The following FER variants were observed in gnomAD, a reference collection of about 807,000 sequenced individuals.
FER encodes the protein FER tyrosine kinase.
FER carries 63 observed loss-of-function variants against 111.0 expected under a neutral mutation model. That is an observed-to-expected ratio of 0.57 (90% CI 0.46 to 0.70). The LOEUF (loss-of-function observed/expected upper bound fraction) is 0.70. Ranked by LOEUF, FER falls within the 30% of genes least tolerant of loss-of-function variation. The pLI, the probability that FER is intolerant of heterozygous loss-of-function variation, is 0.00. For missense variants in FER, 914 were observed against 954.0 expected (o/e 0.96, Z 0.55); for synonymous variants, 327 against 313.9 (o/e 1.04, Z -0.44).
intron 9 of FER, among the ~76,000 whole-genome samples, chr5:108,888,174 A>C (rs1460185048): frequency 1.3e-5 from 2 of 151,804 alleles, no homozygotes; most frequent in Non-Finnish European, 2.9e-5. Flanking sequence ...CTAGTTTTGA[A>C]ATTCAGGAAC....
intron 16 of FER, among the ~76,000 whole-genome samples, chr5:109,081,523 C>G (rs1003942767): frequency 6.6e-6 from 1 of 151,834 alleles, no homozygotes; most frequent in Admixed American, 6.6e-5. Flanking sequence ...TAGAAAATCT[C>G]CAAATAAGGC....
intron 2 of FER, among the ~76,000 whole-genome samples, chr5:108,782,471 G>A (rs1754197370): frequency 1.3e-5 from 2 of 151,964 alleles, no homozygotes; most frequent in South Asian, 4.1e-4. Flanking sequence ...TACTTTTGAT[G>A]AGGTCCATTT....
chr5:108,991,851 T>C (rs1045285816), intron 13 of FER, among the ~76,000 whole-genome samples: 2 of 140,960 alleles, frequency 1.4e-5, no homozygotes, highest in African/African-American at 2.8e-5. Flanking sequence ...TATTTCCTTT[T>C]CTTTGTATTT....
chr5:109,053,735 G>A (rs1213442313), intron 16 of FER, among the ~76,000 whole-genome samples: 1 of 136,808 alleles, frequency 7.3e-6, no homozygotes, highest in African/African-American at 2.8e-5. Flanking sequence ...CTCTCGCCCA[G>A]GCTGGAGTGC....
At chr5:108,948,707 C>A (rs2149634259) in intron 11 of FER, among the ~76,000 whole-genome samples, 1 of 152,062 alleles carries the variant, frequency 6.6e-6, no homozygotes, top group South Asian at 2.1e-4. Flanking sequence ...GAATATTGCC[C>A]TTTTTCTAGG....
intron 10 of FER, among the ~76,000 whole-genome samples, chr5:108,935,547 G>C (rs1484764101): frequency 6.6e-6 from 1 of 151,994 alleles, no homozygotes; most frequent in African/African-American, 2.4e-5. Flanking sequence ...AGTGGGGTGC[G>C]GGGAGGTGGT....
chr5:109,049,622 A>T (rs1772469779), intron 16 of FER, among the ~76,000 whole-genome samples: 1 of 152,196 alleles, frequency 6.6e-6, no homozygotes, highest in African/African-American at 2.4e-5. Context: ...ACTCTCCAGA[A>T]CACATGATCT....
In FER at chr5:108,772,379, C is replaced by G. The variant is rs1409762300; in HGVS notation, c.-60+4141C>G. Among the ~76,000 whole-genome samples, 7 of 104,690 alleles carry G rather than the reference C, an allele frequency of 6.7e-5. No individual in the cohort carries two copies. In the East Asian group the frequency reaches 1.6e-3, roughly 23 times the overall value. 68.7% of individuals were successfully genotyped at this position (104,690 alleles called of 152,430 possible). On this transcript the variant is annotated intron_variant, in intron 2 of 19. Coordinates refer to ENST00000281092, the MANE Select transcript of FER (RefSeq NM_005246.4). ...TGTTGTTGTTGTTATAGGATTCAAG[C>G]AGGTTTCATGTATTGCATTTGCTTC...
At chr5:108,914,542 A>G (rs1752005481) in intron 10 of FER, among the ~76,000 whole-genome samples, 1 of 152,214 alleles carries the variant, frequency 6.6e-6, no homozygotes, top group Non-Finnish European at 1.5e-5. Context: ...TTTGTCTTAA[A>G]GATCCTTATT....
chr5:108,981,637 A>G (rs970507402), intron 13 of FER, among the ~76,000 whole-genome samples: 7 of 152,122 alleles, frequency 4.6e-5, no homozygotes, highest in African/African-American at 1.7e-4. Flanking sequence ...TTTATATGTA[A>G]TATAAATCAG....
intron 16 of FER, among the ~76,000 whole-genome samples, chr5:109,076,033 A>G (rs1307115526): frequency 6.6e-6 from 1 of 152,094 alleles, no homozygotes; most frequent in African/African-American, 2.4e-5. Context: ...CTCTTTTAAC[A>G]TTATCTCTTA....
intron 17 of FER, among the ~76,000 whole-genome samples, chr5:109,126,260 A>C (rs1751703858): frequency 6.6e-6 from 1 of 152,134 alleles, no homozygotes; most frequent in African/African-American, 2.4e-5. Context: ...CCCCATTTTA[A>C]GTGCACACGG....
At chr5:109,173,893 T>A (rs1757416576) in intron 17 of FER, among the ~76,000 whole-genome samples, 1 of 152,010 alleles carries the variant, frequency 6.6e-6, no homozygotes, top group Non-Finnish European at 1.5e-5. Context: ...ACAATAAATA[T>A]CTGTAGGGCA....
intron 9 of FER, among the ~76,000 whole-genome samples, chr5:108,883,930 A>T (rs1765924515): frequency 1.3e-5 from 2 of 152,046 alleles, no homozygotes; most frequent in Admixed American, 1.3e-4. Context: ...CAGACTGATG[A>T]GAAAACAGAT....
chr5:108,805,334 G>T (rs951110635), intron 3 of FER, among the ~76,000 whole-genome samples: 6 of 152,178 alleles, frequency 3.9e-5, no homozygotes, highest in African/African-American at 1.4e-4. Flanking sequence ...TGTAAGTTCA[G>T]TTAAATCTCT....
chr5:108,918,926 A>T (rs973820980), intron 10 of FER, among the ~76,000 whole-genome samples: 1 of 152,222 alleles, frequency 6.6e-6, no homozygotes, highest in Non-Finnish European at 1.5e-5. Context: ...GATATTCTAT[A>T]CTTGTTTGAG....
intron 16 of FER, among the ~76,000 whole-genome samples, chr5:109,049,801 A>G (rs936248840): frequency 1.1e-4 from 16 of 152,216 alleles, no homozygotes; most frequent in Non-Finnish European, 2.2e-4. Context: ...GATGAGTTTT[A>G]AAAAAGGCAT....
chr5:108,984,685 T>C (rs1283208627), intron 13 of FER, among the ~76,000 whole-genome samples: 2 of 152,022 alleles, frequency 1.3e-5, no homozygotes, highest in East Asian at 1.9e-4. Flanking sequence ...CACACAAATA[T>C]GACAAATTGT....
chr5:108,903,647 T>C (rs1750355203), intron 10 of FER, among the ~76,000 whole-genome samples: 1 of 152,222 alleles, frequency 6.6e-6, no homozygotes, highest in South Asian at 2.1e-4. Context: ...TATAAACATA[T>C]TTTGTATATT....
Sources: allele counts gnomAD v4.1 joint callset (sites outside exome capture counted in the v4.1 genomes callset), GRCh38; gene constraint gnomAD v4.1.1; transcripts MANE v1.5; gene names NCBI Gene and HGNC (gene_info 2026-07-23, HGNC 2026-07-21).